The following GRID2IP variants were observed in gnomAD, a reference collection of about 807,000 sequenced individuals.
GRID2IP encodes delphilin.
Under a neutral mutation model 114.3 loss-of-function variants are expected in GRID2IP, and 78 were observed. The observed-to-expected ratio is 0.68, with a 90% CI of 0.57 to 0.82. GRID2IP has a LOEUF of 0.82. Ranked by LOEUF, GRID2IP falls within the 40% of genes least tolerant of loss-of-function variation. The pLI is 0.00. For missense variants in GRID2IP, 1,727 were observed against 1,678.5 expected (o/e 1.03, Z -0.51); for synonymous variants, 809 against 724.0 (o/e 1.12, Z -1.89).
At position 6,509,020 on chromosome 7, in the gene GRID2IP, G is replaced by A. The variant is rs1270359431; in HGVS notation, c.2065C>T (p.Gln689Ter). The A allele has an allele frequency of 6.5e-7, 1 of 1,547,472 alleles. No individual in the cohort carries two copies. Residue 689 changes from glutamine (Q) to a stop codon, truncating the protein, a stop_gained, in exon 12 of 22, where the codon CAG (glutamine) becomes TAG (stop). Coordinates refer to ENST00000457091, the MANE Select transcript of GRID2IP (RefSeq NM_001145118.2). LOFTEE classifies it high-confidence loss of function. The surrounding 1 kb of genome is among the most constrained non-coding windows in gnomAD (Gnocchi z 4.9). ...TDRFLDVLSE[Q>*]LGPRVTIVDD... ...ACGATGGTGACCCGGGGGCCCAGCT[G>A]CTCGCTCAGCACGTCCAGGAAGCGG... is the stretch of plus-strand genomic sequence containing the variant.
chr7:6,498,566 G>A (rs1387916929), intron 20 of GRID2IP, among the ~76,000 whole-genome samples: 1 of 138,606 alleles, frequency 7.2e-6, no homozygotes, highest in Non-Finnish European at 1.5e-5. Flanking sequence ...CACTCTCTAG[G>A]CCTTACTTTT....
At chr7:6,510,824 C>A in intron 9 of GRID2IP, 84 bp downstream of exon 9, 1 of 1,487,812 alleles carries the variant, frequency 6.7e-7, no homozygotes, top group South Asian at 1.2e-5. Context: ...GCCCCATTCC[C>A]TGGGATTCCC....
chr7:6,550,636 C>T (rs1205875355), intron 1 of GRID2IP, among the ~76,000 whole-genome samples: 5 of 143,468 alleles, frequency 3.5e-5, no homozygotes, highest in Non-Finnish European at 3.0e-5. Flanking sequence ...CATGGTGAAA[C>T]CCCGTCTCTA....
chr7:6,502,186 T>C, intron 18 of GRID2IP, 68 bp from the exon 19 acceptor site: 1 of 1,395,626 alleles, frequency 7.2e-7, no homozygotes, highest in Non-Finnish European at 9.8e-7. Flanking sequence ...GGGCCCAGCT[T>C]CTCCTGGACT....
chr7:6,544,444 T>C (rs945352102), intron 1 of GRID2IP, among the ~76,000 whole-genome samples: 33 of 151,472 alleles, frequency 2.2e-4, no homozygotes, highest in Non-Finnish European at 3.8e-4. Flanking sequence ...CACAACCAGC[T>C]AATGTTTTGT....
At chr7:6,510,002 A>AT (rs943040107) in intron 11 of GRID2IP, among the ~76,000 whole-genome samples, 73 of 151,764 alleles carry the variant, frequency 4.8e-4, no homozygotes, top group African/African-American at 1.5e-3. Context: ...CTAATTTTGT[A>AT]TTTTTTTTGT....
Position 6,508,357 on chromosome 7 carries a change from C to T in GRID2IP, c.2172G>A (p.Arg724=). Residue 724 remains arginine (R), a synonymous_variant, in exon 13 of 22, where the codon CGG becomes CGA. Transcript: ENST00000457091. This position sits in a 1 kb window ranked among gnomAD's most constrained non-coding sequence, Gnocchi z 5.6. ...TGCTGATGCAGTCGCTGGCGCTGCT[C>T]CGCTCATTGGTTACGAAGCTGCCCT... ...DDQGSFVTNE[R]SSASDCISSS... is the part of the protein sequence containing the mutation. 1 of 1,551,590 alleles carries T rather than the reference C, an allele frequency of 6.4e-7. No homozygotes were observed. Among genetic ancestry groups the T allele is most frequent in the Non-Finnish European group, 8.7e-7 (1 of 1,147,050 alleles).
At chr7:6,503,235 G>C in intron 16 of GRID2IP, 72 bp from the exon 17 acceptor site, 3 of 1,247,924 alleles carry the variant, frequency 2.4e-6, no homozygotes, top group Non-Finnish European at 3.3e-6. Flanking sequence ...AGGCTTTGGG[G>C]TGGGAGGGGG....
At chr7:6,535,924 C>T (rs991298502) in intron 2 of GRID2IP, among the ~76,000 whole-genome samples, 1 of 152,170 alleles carries the variant, frequency 6.6e-6, no homozygotes, top group East Asian at 1.9e-4. Context: ...CACCACCAGA[C>T]TCCACCAGTC....
intron 2 of GRID2IP, among the ~76,000 whole-genome samples, chr7:6,527,522 G>T (rs1192681688): frequency 6.6e-6 from 1 of 152,198 alleles, no homozygotes; most frequent in Non-Finnish European, 1.5e-5. Context: ...AGTTACCTTG[G>T]AAGTGAGAGG....
At chr7:6,544,852 C>G (rs1236655430) in intron 1 of GRID2IP, among the ~76,000 whole-genome samples, 1 of 151,696 alleles carries the variant, frequency 6.6e-6, no homozygotes, top group African/African-American at 2.4e-5. Context: ...GAGGCCGAGG[C>G]AGGCGGATCA....
rs1011679677 is a variant in GRID2IP, at chr7:6,536,257, C to T, written c.584+3461G>A. 6.6e-6 allele frequency among the ~76,000 whole-genome samples: 1 copy of T among 152,222 alleles called. No homozygotes were observed. Among genetic ancestry groups the T allele is most frequent in the Non-Finnish European group, 1.5e-5 (1 of 68,028 alleles). On this transcript the variant is annotated intron_variant, in intron 2 of 21. Transcript: ENST00000457091. This position sits in a 1 kb window ranked among gnomAD's most constrained non-coding sequence, Gnocchi z 5.3. Reference sequence around the variant, plus strand: ...CTCCTTGCGGAGCCCAGCTGGGCGCCGCCCCTTCCTCCAGCAGCCTCCCCA... The same window carrying T: ...CTCCTTGCGGAGCCCAGCTGGGCGCTGCCCCTTCCTCCAGCAGCCTCCCCA...
At position 6,520,479 on chromosome 7, in the gene GRID2IP, G is replaced by T; in HGVS notation, c.1268+99C>A. On this transcript the variant is annotated intron_variant, in intron 7 of 21. Transcript: ENST00000457091. The surrounding 1 kb of genome is among the most constrained non-coding windows in gnomAD (Gnocchi z 4.6). ...CTTCCTGAGCATCCCCCAGGAGAAC[G>T]GGACTGAGGAGGTTCAGGCAGGGAG... 1.5e-6 allele frequency: 2 copies of T among 1,301,316 alleles called. No homozygotes were observed. The highest frequency in any genetic ancestry group is 1.0e-6 in the Non-Finnish European group (1 of 960,424). The allele number at this position is 1,301,316 out of a possible 1,614,324, so 80.6% of individuals were successfully genotyped here. A position where few individuals can be genotyped will look rare whatever the true frequency, so the allele number is the denominator to read the frequency against.
intron 1 of GRID2IP, among the ~76,000 whole-genome samples, chr7:6,549,009 A>G (rs1190270573): frequency 2.0e-5 from 3 of 152,090 alleles, no homozygotes; most frequent in African/African-American, 7.2e-5. Context: ...TTTTTGTTCC[A>G]TTCAAGTATT....
chr7:6,527,554 T>G (rs759663686), intron 2 of GRID2IP, among the ~76,000 whole-genome samples: 1 of 152,146 alleles, frequency 6.6e-6, no homozygotes, highest in Admixed American at 6.5e-5. Context: ...CCCGTGGGTC[T>G]CCGCTGCAGG....
chr7:6,526,318 A>T lies in GRID2IP; in HGVS notation c.834-9T>A, dbSNP rs1201299062. On this transcript the variant is annotated splice_polypyrimidine_tract_variant and intron_variant, in intron 3 of 21. Transcript: ENST00000457091. This position sits in a 1 kb window ranked among gnomAD's most constrained non-coding sequence, Gnocchi z 7.6. ...TGTAGACTCGGACAGTCCTGGGGGA[A>T]AAAGAAGGGGCGAGCAGCATGATGG... is the stretch of plus-strand genomic sequence containing the variant. The T allele has an allele frequency of 6.4e-7, 1 of 1,551,286 alleles. No individual in the cohort carries two copies. Among genetic ancestry groups the T allele is most frequent in the African/African-American group, 1.4e-5 (1 of 73,034 alleles).
At chr7:6,501,305 C>T (rs6463569) in intron 20 of GRID2IP, among the ~76,000 whole-genome samples, 2 of 151,962 alleles carry the variant, frequency 1.3e-5, no homozygotes, top group South Asian at 4.1e-4. Context: ...GAGCCAAGAT[C>T]GTGCAACTGC....
chr7:6,544,956 G>T (rs13228703), intron 1 of GRID2IP, among the ~76,000 whole-genome samples: 51,354 of 151,896 alleles, frequency 0.34, 10,656 homozygotes, highest in Non-Finnish European at 0.48. Flanking sequence ...GCGTGATGGC[G>T]GGCGCCTGTA....
At chr7:6,524,638 T>A (rs961818495) in intron 4 of GRID2IP, among the ~76,000 whole-genome samples, 2 of 151,928 alleles carry the variant, frequency 1.3e-5, no homozygotes, top group African/African-American at 2.4e-5. Flanking sequence ...GAGGATCCCT[T>A]AAGCCCAGGA....
Sources: gnomAD v4.1 joint callset for allele counts (sites outside exome capture counted in the v4.1 genomes callset) on GRCh38, gnomAD v4.1.1 for gene constraint, Gnocchi (gnomAD v3.1) non-coding constraint, MANE v1.5 for transcripts, NCBI Gene and HGNC (gene_info 2026-07-23, HGNC 2026-07-21) for gene names.